SEMA6A: variants seen among roughly 807,000 people sequenced by gnomAD.
SEMA6A encodes semaphorin 6A.
SEMA6A carries 25 observed loss-of-function variants against 96.8 expected under a neutral mutation model. The observed-to-expected ratio is 0.26, with a 90% CI of 0.19 to 0.36. The LOEUF is 0.36. Among genes scored for constraint, SEMA6A ranks in the 10% least tolerant of loss-of-function variants. The pLI is 1.00. For missense variants in SEMA6A, 1,363 were observed against 1,323.1 expected (o/e 1.03, Z -0.47); for synonymous variants, 612 against 518.0 (o/e 1.18, Z -2.46).
rs1191777794 is a variant in SEMA6A, at chr5:116,560,256, G to A, written c.-39+13929C>T. Among the ~76,000 whole-genome samples the A allele has an allele frequency of 2.6e-5, 4 of 152,152 alleles. No individual in the cohort carries two copies. In the South Asian group the frequency reaches 8.3e-4, roughly 32 times the overall value. The stretch of plus-strand genomic sequence containing the variant: ...GCCTTCTTAGCATCTTCTGCATTCT[G>A]CATTTGGGACAGAGAATAGTCAGGC... On this transcript the variant is annotated intron_variant, in intron 1 of 18. Coordinates refer to ENST00000343348, the MANE Select transcript of SEMA6A (RefSeq NM_020796.5).
chr5:116,478,321 T>C, intron 13 of SEMA6A, 167 bp from the exon 14 acceptor site: 1 of 794,544 alleles, frequency 1.3e-6, no homozygotes, highest in Non-Finnish European at 2.0e-6. Context: ...CATGTATATG[T>C]ATCTATATAA....
Position 116,444,285 on chromosome 5 carries a change from A to G in SEMA6A, c.*2328T>C, listed in dbSNP as rs1316879768. ...AACCACCTACTCCTAAACAACAGCAAAACTAATGGACTTTTGGAACAAAGG... is the reference window on the plus strand; with the variant it reads ...AACCACCTACTCCTAAACAACAGCAGAACTAATGGACTTTTGGAACAAAGG... On this transcript the variant is annotated 3_prime_UTR_variant, in exon 19 of 19. Coordinates refer to ENST00000343348, the MANE Select transcript of SEMA6A (RefSeq NM_020796.5). 1 of 151,950 alleles carries G rather than the reference A, an allele frequency of 6.6e-6. No individual in the cohort carries two copies. Among genetic ancestry groups the G allele is most frequent in the Non-Finnish European group, 1.5e-5 (1 of 68,002 alleles). 9.4% of individuals were successfully genotyped at this position (151,950 alleles called of 1,614,324 possible).
intron 1 of SEMA6A, among the ~76,000 whole-genome samples, chr5:116,570,936 AT>A (rs1407440993): frequency 3.9e-5 from 6 of 152,346 alleles, no homozygotes; most frequent in Admixed American, 3.9e-4. Context: ...GATTCAACAC[AT>A]TAGACTTCAC....
chr5:116,467,454 G>T, intron 18 of SEMA6A, 129 bp downstream of exon 18: 1 of 898,730 alleles, frequency 1.1e-6, no homozygotes, highest in Non-Finnish European at 1.6e-6. Context: ...TCTTTTTCGA[G>T]AAACTTTCAA....
chr5:116,536,543 C>A (rs1157345637), intron 1 of SEMA6A: 1 of 152,104 alleles, frequency 6.6e-6, no homozygotes, highest in African/African-American at 2.4e-5. Context: ...AACAAAATCC[C>A]CTAAGTGCCA....
intron 1 of SEMA6A, among the ~76,000 whole-genome samples, chr5:116,526,138 T>TAC (rs369070247): frequency 6.6e-6 from 1 of 152,110 alleles, no homozygotes; most frequent in Non-Finnish European, 1.5e-5. Flanking sequence ...TTTTCCCCCC[T>TAC]TCTTTTTTAT....
intron 1 of SEMA6A, among the ~76,000 whole-genome samples, chr5:116,534,478 C>A (rs539634532): frequency 6.6e-6 from 1 of 152,158 alleles, no homozygotes; most frequent in East Asian, 1.9e-4. Flanking sequence ...GAGCACACTC[C>A]GCTCCCTCTC....
At chr5:116,472,956 T>TA (rs1756240582) in intron 17 of SEMA6A, 117 bp downstream of exon 17, 3 of 1,520,742 alleles carry the variant, frequency 2.0e-6, no homozygotes, top group South Asian at 1.3e-5. Context: ...ATGATGAGGA[T>TA]AAAAAATTAA....
At chr5:116,528,183 C>T (rs1313443181) in intron 1 of SEMA6A, among the ~76,000 whole-genome samples, 4 of 152,116 alleles carry the variant, frequency 2.6e-5, no homozygotes, top group Non-Finnish European at 5.9e-5. Flanking sequence ...GAAAAATATT[C>T]TTAAATTATT....
In SEMA6A at chr5:116,446,793, C is replaced by T; in HGVS notation, c.2913G>A (p.Val971=). The T allele has an allele frequency of 6.2e-7, 1 of 1,612,754 alleles. No individual in the cohort carries two copies. The highest frequency in any genetic ancestry group is 8.5e-7 in the Non-Finnish European group (1 of 1,179,298). ...PAPQRVDSIQ[V]HSSQPSGQAV... ...CCTGGCCAGATGGCTGGGAGCTGTG[C>T]ACCTGGATGGAGTCCACCCTCTGCG... Residue 971 remains valine (V), a synonymous_variant, in exon 19 of 19, where the codon GTG becomes GTA. Coordinates refer to ENST00000343348, the MANE Select transcript of SEMA6A (RefSeq NM_020796.5).
At chr5:116,490,620 G>T (rs1372709391) in intron 7 of SEMA6A, among the ~76,000 whole-genome samples, 1 of 152,110 alleles carries the variant, frequency 6.6e-6, no homozygotes, top group Non-Finnish European at 1.5e-5. Flanking sequence ...TCTCATTTAG[G>T]GGGAGAACCC....
rs376594611 is a variant in SEMA6A at position 116,486,754 on chromosome 5, A to G, written c.957T>C (p.Tyr319=). The G allele has an allele frequency of 6.8e-6, 11 of 1,613,074 alleles. No homozygotes were observed. In the African/African-American group the frequency reaches 1.2e-4, roughly 18 times the overall value. The stretch of plus-strand genomic sequence containing the variant: ...CACAGCTAGGGCATGATTACCTGTT[A>G]TAAGGTGTAGAAAACGTTGCCAGGA... ...DVVLATFSTP[Y]NSIPGSAVCA... is the part of the protein sequence containing the mutation. The change falls in exon 10 of 19, where the codon TAT becomes TAC. Residue 319 remains tyrosine (Y), a synonymous_variant. Transcript: ENST00000343348.
intron 5 of SEMA6A, chr5:116,496,009 T>C (rs1757582626): frequency 2.3e-6 from 1 of 438,656 alleles, no homozygotes; most frequent in Non-Finnish European, 4.1e-6. Flanking sequence ...CGGCTTTGTG[T>C]CCATAATCCT....
At chr5:116,465,831 A>C (rs925577050) in intron 18 of SEMA6A, among the ~76,000 whole-genome samples, 3 of 152,152 alleles carry the variant, frequency 2.0e-5, no homozygotes, top group African/African-American at 7.2e-5. Flanking sequence ...ATTTTGTTTC[A>C]GAAAAAACGC....
At chr5:116,532,160 A>G (rs966010722) in intron 1 of SEMA6A, among the ~76,000 whole-genome samples, 3 of 152,228 alleles carry the variant, frequency 2.0e-5, no homozygotes, top group Non-Finnish European at 4.4e-5. Flanking sequence ...CCGAGGAACA[A>G]GCATTTCTAA....
intron 15 of SEMA6A, 41 bp downstream of exon 15, chr5:116,477,805 T>C: frequency 6.3e-7 from 1 of 1,599,062 alleles, no homozygotes; most frequent in South Asian, 1.1e-5. Context: ...ACACCTTGGC[T>C]GGAAGCCACT....
At chr5:116,523,340 G>T (rs1308031812) in intron 1 of SEMA6A, among the ~76,000 whole-genome samples, 4 of 152,006 alleles carry the variant, frequency 2.6e-5, no homozygotes, top group African/African-American at 4.8e-5. Flanking sequence ...TTGAGACAGG[G>T]TCTTGCTCTG....
intron 9 of SEMA6A, among the ~76,000 whole-genome samples, chr5:116,487,631 C>A (rs56022265): frequency 0.15 from 22,837 of 152,034 alleles, 3,486 homozygotes; most frequent in African/African-American, 0.39. Flanking sequence ...TGGGAGGCTG[C>A]AGCAGGTGAA....
In SEMA6A at chr5:116,446,588, G is replaced by T; in HGVS notation, c.*25C>A. ...GGCACCTCGCCTTGCCTGCTGGTTC[G>T]ACACCTGACCCCCTCCCCCTGGGAT... is the stretch of plus-strand genomic sequence containing the variant. On this transcript the variant is annotated 3_prime_UTR_variant, in exon 19 of 19. Coordinates refer to ENST00000343348, the MANE Select transcript of SEMA6A (RefSeq NM_020796.5). The T allele has an allele frequency of 6.9e-7, 1 of 1,456,172 alleles. No homozygotes were observed. The highest frequency in any genetic ancestry group is 9.1e-7 in the Non-Finnish European group (1 of 1,100,782). The allele number at this position is 1,456,172 out of a possible 1,614,324, so 90.2% of individuals were successfully genotyped here.
Sources: gnomAD v4.1 joint callset for allele counts (sites outside exome capture counted in the v4.1 genomes callset) on GRCh38, gnomAD v4.1.1 for gene constraint, MANE v1.5 for transcripts, NCBI Gene and HGNC (gene_info 2026-07-23, HGNC 2026-07-21) for gene names.